The following MIS18A variants were observed in gnomAD, a reference collection of about 807,000 sequenced individuals.
MIS18A encodes the protein protein Mis18-alpha.
In MIS18A, 14 loss-of-function variants were observed where a neutral mutation model predicts 25.0. The observed-to-expected ratio is 0.56, with a 90% CI of 0.37 to 0.88. The LOEUF (loss-of-function observed/expected upper bound fraction) is 0.88. Ranked by LOEUF, MIS18A falls within the 40% of genes least tolerant of loss-of-function variation. MIS18A has a pLI of 0.00. For synonymous variants in MIS18A, 134 were observed against 118.6 expected (o/e 1.13, Z -0.84); for missense variants, 292 against 290.8 (o/e 1.00, Z -0.03).
chr21:32,258,364 C>G, the MIS18A span, among the ~76,000 whole-genome samples: 11 of 152,090 alleles, frequency 7.2e-5, no homozygotes. Context: ...GGGGCCTTGA[C>G]TATTATTTTA....
the MIS18A span, among the ~76,000 whole-genome samples, chr21:32,227,729 C>T: frequency 6.6e-6 from 1 of 152,106 alleles, no homozygotes; most frequent in Non-Finnish European, 1.5e-5. Flanking sequence ...CTCTGATACC[C>T]AAATCAAAGA....
chr21:32,256,067 T>C, the MIS18A span, among the ~76,000 whole-genome samples: 1 of 152,210 alleles, frequency 6.6e-6, no homozygotes, highest in African/African-American at 2.4e-5. Context: ...ATGTCTACTT[T>C]TAGCGAATTT....
intron 1 of MIS18A, chr21:32,278,001 C>T (rs2031847871): frequency 6.6e-6 from 1 of 152,202 alleles, no homozygotes; most frequent in African/African-American, 2.4e-5. Context: ...GCCATTCTTA[C>T]ACCAATTCAT....
chr21:32,242,612 C>T, the MIS18A span, among the ~76,000 whole-genome samples: 1 of 152,128 alleles, frequency 6.6e-6, no homozygotes, highest in Non-Finnish European at 1.5e-5. Flanking sequence ...GACTTCTTGT[C>T]TGTATTCTTG....
chr21:32,246,477 G>T, the MIS18A span, among the ~76,000 whole-genome samples: 1 of 152,208 alleles, frequency 6.6e-6, no homozygotes, highest in Admixed American at 6.5e-5. Flanking sequence ...AGTCTGGCAG[G>T]GGGGAGAGGG....
At position 32,278,982 on chromosome 21, in the gene MIS18A, T is replaced by G. The variant is rs749218043; in HGVS notation, c.33A>C (p.Arg11Ser). Residue 11 changes from arginine (R) to serine (S), a missense_variant, in exon 1 of 5, where the codon AGA (arginine) becomes AGC (serine). Coordinates refer to ENST00000290130, the MANE Select transcript of MIS18A (RefSeq NM_018944.3). The part of the protein sequence containing the change: MAGVRSLRCS[R>S]GCAGGCECGD... ...CGCACTCACAGCCGCCAGCGCATCC[T>G]CTGCTACACCTCAGTGACCGAACGC... 9 of 1,610,450 alleles carry G rather than the reference T, an allele frequency of 5.6e-6. No homozygotes were observed. In the African/African-American group the frequency reaches 1.2e-4, roughly 21 times the overall value.
the MIS18A span, among the ~76,000 whole-genome samples, chr21:32,248,963 C>T: frequency 6.6e-6 from 1 of 152,162 alleles, no homozygotes; most frequent in Non-Finnish European, 1.5e-5. Flanking sequence ...AAGGGCTCCA[C>T]TGGCAAGGGC....
At chr21:32,156,122 G>C in the MIS18A span, among the ~76,000 whole-genome samples, 1 of 151,792 alleles carries the variant, frequency 6.6e-6, no homozygotes, top group Non-Finnish European at 1.5e-5. Context: ...CAGCAGCTTT[G>C]AAAACGAGAT....
At chr21:32,263,048 A>T in the MIS18A span, among the ~76,000 whole-genome samples, 1 of 152,222 alleles carries the variant, frequency 6.6e-6, no homozygotes, top group African/African-American at 2.4e-5. Flanking sequence ...CTCACTAAAA[A>T]AATTAATGAT....
At chr21:32,211,302 A>G in the MIS18A span, among the ~76,000 whole-genome samples, 1 of 152,168 alleles carries the variant, frequency 6.6e-6, no homozygotes. Context: ...TGGCCTCCCA[A>G]AGTTCTGGGA....
At chr21:32,270,364 T>G in intron 3 of MIS18A, 43 bp downstream of exon 3, 3 of 1,609,562 alleles carry the variant, frequency 1.9e-6, no homozygotes, top group Non-Finnish European at 1.7e-6. Flanking sequence ...CTTAACTTTC[T>G]GAAACACCAG....
chr21:32,261,793 T>C, the MIS18A span, among the ~76,000 whole-genome samples: 1 of 151,856 alleles, frequency 6.6e-6, no homozygotes, highest in African/African-American at 2.4e-5. Context: ...AGGTGAGAGC[T>C]TGAAAGAGAG....
chr21:32,189,927 C>T, the MIS18A span, among the ~76,000 whole-genome samples: 11 of 152,196 alleles, frequency 7.2e-5, no homozygotes, highest in Non-Finnish European at 1.2e-4. Flanking sequence ...GCGCAGGACC[C>T]AGCCCTGAGC....
the MIS18A span, among the ~76,000 whole-genome samples, chr21:32,236,647 C>T: frequency 6.6e-6 from 1 of 152,102 alleles, no homozygotes. Flanking sequence ...ATCTGGACTT[C>T]AGCCAGCAGC....
the MIS18A span, among the ~76,000 whole-genome samples, chr21:32,175,527 C>T: frequency 3.3e-5 from 5 of 150,776 alleles, no homozygotes; most frequent in Admixed American, 1.3e-4. Flanking sequence ...ACAAACACAC[C>T]GGCTGGGCAC....
chr21:32,210,329 G>A, the MIS18A span, among the ~76,000 whole-genome samples: 4 of 152,158 alleles, frequency 2.6e-5, no homozygotes, highest in Admixed American at 2.6e-4. Flanking sequence ...CCATGGTGTT[G>A]TCATTATTAA....
At chr21:32,186,009 G>A in the MIS18A span, among the ~76,000 whole-genome samples, 1 of 151,802 alleles carries the variant, frequency 6.6e-6, no homozygotes, top group Non-Finnish European at 1.5e-5. Context: ...CACAGCACCT[G>A]CCCAGGGTCT....
At chr21:32,216,393 C>T in the MIS18A span, among the ~76,000 whole-genome samples, 1,823 of 152,258 alleles carry the variant, frequency 0.012, 29 homozygotes, top group African/African-American at 0.04. Flanking sequence ...GTCTACTTTC[C>T]TGGAAGACCC....
intron 4 of MIS18A, 104 bp downstream of exon 4, chr21:32,269,603 G>T: frequency 1.5e-6 from 1 of 670,964 alleles, no homozygotes; most frequent in East Asian, 2.9e-5. Flanking sequence ...CACTCTTCCT[G>T]CAATCAACAC....
Sources: gnomAD v4.1 joint callset for allele counts (sites outside exome capture counted in the v4.1 genomes callset) on GRCh38, gnomAD v4.1.1 for gene constraint, MANE v1.5 for transcripts, NCBI Gene and HGNC (gene_info 2026-07-23, HGNC 2026-07-21) for gene names.